The following NEGR1 variants were observed in gnomAD, a reference collection of about 807,000 sequenced individuals.
The protein encoded by NEGR1 is neuronal growth regulator 1.
Under a neutral mutation model 40.9 loss-of-function variants are expected in NEGR1, and 10 were observed. The ratio of observed to expected loss-of-function variants is 0.24; its 90% CI spans 0.15 to 0.42. NEGR1 has a LOEUF of 0.42. NEGR1 is among the 10% of genes least tolerant of loss of function. The pLI is 1.00. For missense variants in NEGR1, 352 were observed against 438.9 expected, an observed-to-expected ratio of 0.80 and a Z score of 1.77; for synonymous variants, 185 against 166.8, an observed-to-expected ratio of 1.11 and a Z score of -0.84.
chr1:71,434,396 T>C (rs1278375874), intron 6 of NEGR1, among the ~76,000 whole-genome samples: 2 of 152,172 alleles, frequency 1.3e-5, no homozygotes, highest in Non-Finnish European at 2.9e-5. Context: ...TGGTACATAT[T>C]GTAGTACTGT....
intron 4 of NEGR1, among the ~76,000 whole-genome samples, chr1:71,684,617 GTC>G (rs1376214615): frequency 6.6e-6 from 1 of 152,202 alleles, no homozygotes; most frequent in Admixed American, 6.5e-5. Context: ...TATATGTAGA[GTC>G]TCTTTCGAGA....
intron 1 of NEGR1, among the ~76,000 whole-genome samples, chr1:72,143,914 A>AATATATATATATATATATATAT (rs61582804): frequency 5.4e-5 from 7 of 130,612 alleles, no homozygotes; most frequent in African/African-American, 2.1e-4. Flanking sequence ...TGATATATAT[A>AATATATATATATATATATATAT]ATATATATAT....
At chr1:72,204,400 A>G (rs901624912) in intron 1 of NEGR1, among the ~76,000 whole-genome samples, 10 of 152,106 alleles carry the variant, frequency 6.6e-5, no homozygotes, top group African/African-American at 2.4e-4. Context: ...ATTTTTAGAG[A>G]GGTAAGCCAT....
intron 1 of NEGR1, among the ~76,000 whole-genome samples, chr1:72,218,980 A>C (rs1653921112): frequency 6.6e-6 from 1 of 151,994 alleles, no homozygotes; most frequent in Non-Finnish European, 1.5e-5. Flanking sequence ...TGACCAGGGC[A>C]CTCTCTCCTC....
chr1:71,667,194 T>C (rs770548844), intron 4 of NEGR1, among the ~76,000 whole-genome samples: 1 of 152,094 alleles, frequency 6.6e-6, no homozygotes, highest in Non-Finnish European at 1.5e-5. Flanking sequence ...CCTTGGTAGG[T>C]GTAAGGTTAG....
chr1:72,083,494 G>A (rs545450995), intron 1 of NEGR1, among the ~76,000 whole-genome samples: 1 of 152,060 alleles, frequency 6.6e-6, no homozygotes. Context: ...AAGTAGTTGG[G>A]ACTACAGGCA....
At chr1:71,484,348 T>C (rs1415919349) in intron 6 of NEGR1, among the ~76,000 whole-genome samples, 2 of 151,660 alleles carry the variant, frequency 1.3e-5, no homozygotes. Flanking sequence ...TGTTATTGCC[T>C]GTAACCCTTA....
intron 1 of NEGR1, among the ~76,000 whole-genome samples, chr1:72,053,589 T>G (rs191976696): frequency 3.6e-4 from 54 of 151,240 alleles, no homozygotes; most frequent in African/African-American, 1.3e-3. Context: ...CTTGATCCAT[T>G]CTTTAAAATT....
At chr1:71,621,843 G>C (rs915096623) in intron 4 of NEGR1, among the ~76,000 whole-genome samples, 1 of 151,726 alleles carries the variant, frequency 6.6e-6, no homozygotes, top group Admixed American at 6.6e-5. Flanking sequence ...TTATATTGTG[G>C]TATAAATGAT....
intron 1 of NEGR1, among the ~76,000 whole-genome samples, chr1:72,140,981 T>C (rs1650655535): frequency 6.6e-6 from 1 of 152,042 alleles, no homozygotes; most frequent in Non-Finnish European, 1.5e-5. Flanking sequence ...TGCTGAATGA[T>C]ATGAATGTAA....
At chr1:71,708,404 G>A (rs1234865726) in intron 3 of NEGR1, among the ~76,000 whole-genome samples, 1 of 151,786 alleles carries the variant, frequency 6.6e-6, no homozygotes, top group African/African-American at 2.4e-5. Context: ...ATAGCAGAAT[G>A]GATCAAGCAG....
intron 4 of NEGR1, among the ~76,000 whole-genome samples, chr1:71,695,937 C>T (rs1483125178): frequency 6.6e-6 from 1 of 151,758 alleles, no homozygotes; most frequent in Non-Finnish European, 1.5e-5. Flanking sequence ...TCAACTATGA[C>T]ATAAACCCAC....
chr1:71,781,009 C>A (rs551457918), intron 2 of NEGR1, among the ~76,000 whole-genome samples: 1 of 152,078 alleles, frequency 6.6e-6, no homozygotes, highest in African/African-American at 2.4e-5. Flanking sequence ...ACTGTTTGTA[C>A]GATAATGAGC....
intron 1 of NEGR1, among the ~76,000 whole-genome samples, chr1:72,258,875 G>C (rs1329226225): frequency 6.6e-6 from 1 of 151,896 alleles, no homozygotes. Context: ...TCTTCTTTTA[G>C]TTTGCTTACT....
At position 71,432,419 on chromosome 1, in the gene NEGR1, G is replaced by C. The variant is rs547603821; in HGVS notation, c.941-24849C>G. On this transcript the variant is annotated intron_variant, in intron 6 of 6. Transcript: ENST00000357731. ...TCCCTCCAAAACTCATGTAACAACT[G>C]AAGGAGTGCAGGAAATTTTACACCA... is the stretch of plus-strand genomic sequence containing the variant. Among the ~76,000 whole-genome samples, 44 of 152,296 alleles carry C rather than the reference G, an allele frequency of 2.9e-4. No homozygotes were observed. The South Asian group carries it at 8.1e-3, about 28-fold the overall frequency.
intron 4 of NEGR1, among the ~76,000 whole-genome samples, chr1:71,618,033 G>A (rs1264517768): frequency 6.6e-6 from 1 of 152,128 alleles, no homozygotes; most frequent in Non-Finnish European, 1.5e-5. Context: ...TGTTCAGATC[G>A]GCAGATAAAG....
chr1:71,497,873 C>T (rs960347940), intron 6 of NEGR1, among the ~76,000 whole-genome samples: 2 of 152,018 alleles, frequency 1.3e-5, no homozygotes, highest in Non-Finnish European at 2.9e-5. Flanking sequence ...AGACAGAATG[C>T]GAAACTATAT....
intron 1 of NEGR1, among the ~76,000 whole-genome samples, chr1:72,223,892 T>A (rs1483592649): frequency 1.3e-5 from 2 of 152,134 alleles, no homozygotes. Context: ...GACAGCTTTG[T>A]TACGGTTTAG....
At chr1:71,476,468 A>C (rs1032256136) in intron 6 of NEGR1, among the ~76,000 whole-genome samples, 2 of 152,078 alleles carry the variant, frequency 1.3e-5, no homozygotes, top group Admixed American at 1.3e-4. Flanking sequence ...GTGATGCTTA[A>C]TAAGATAATC....
Sources: gnomAD v4.1 joint callset for allele counts (sites outside exome capture counted in the v4.1 genomes callset) on GRCh38, gnomAD v4.1.1 for gene constraint, MANE v1.5 for transcripts, NCBI Gene and HGNC (gene_info 2026-07-23, HGNC 2026-07-21) for gene names.